MTFP1: variants seen among roughly 807,000 people sequenced by gnomAD.
MTFP1 encodes the protein mitochondrial fission process protein 1.
MTFP1 carries 19 observed loss-of-function variants against 17.1 expected under a neutral mutation model. That is an observed-to-expected ratio of 1.11 (90% confidence interval 0.77 to 1.63). The LOEUF is 1.63. MTFP1 is among the 40% of genes most tolerant of loss of function. The pLI, the probability that MTFP1 is intolerant of heterozygous loss-of-function variation, is 0.00. For missense variants in MTFP1, 221 were observed against 226.2 expected, an observed-to-expected ratio of 0.98 and a Z score of 0.15; for synonymous variants, 89 against 95.2, an observed-to-expected ratio of 0.93 and a Z score of 0.38.
In MTFP1 at chr22:30,428,701, T is replaced by G; in HGVS notation, c.*167T>G. The stretch of plus-strand genomic sequence containing the variant: ...GACAAAGGCTTCAAGAAGCAGTGGC[T>G]GCAGGGAGTCACAGAAGGGCAGGAC... On this transcript the variant is annotated 3_prime_UTR_variant, in exon 4 of 4. Transcript: ENST00000266263. 1 of 1,605,174 alleles carries G rather than the reference T, an allele frequency of 6.2e-7. No homozygotes were observed. Among genetic ancestry groups the G allele is most frequent in the South Asian group, 1.1e-5 (1 of 90,776 alleles).
At position 30,427,027 on chromosome 22, in the gene MTFP1, G is replaced by A. The variant is rs911531880; in HGVS notation, c.196-144G>A. On this transcript the variant is annotated intron_variant, in intron 2 of 3. Transcript: ENST00000266263. The stretch of plus-strand genomic sequence containing the variant: ...CCCTGCCCCCACACTCCCACTCCCC[G>A]AACTGGATGTGGCAGACTGTACCCC... 60 of 1,356,408 alleles carry A rather than the reference G, an allele frequency of 4.4e-5. 1 individual carries two copies. Among genetic ancestry groups the A allele is most frequent in the South Asian group, 1.7e-4 (14 of 84,498 alleles). The allele number at this position is 1,356,408 out of a possible 1,614,324, so 84.0% of individuals were successfully genotyped here.
Position 30,425,837 on chromosome 22 carries a change from A to T in MTFP1, c.-43A>T. On this transcript the variant is annotated 5_prime_UTR_variant, in exon 1 of 4. Coordinates refer to ENST00000266263, the MANE Select transcript of MTFP1 (RefSeq NM_016498.5). ...GTGCCGGCGGCGGAGACTGCAGTGG[A>T]GCCAGTACCGGCTGTAGTGGCCGGG... 2.0e-6 allele frequency: 3 copies of T among 1,517,002 alleles called. No individual in the cohort carries two copies. The highest frequency in any genetic ancestry group is 2.6e-6 in the Non-Finnish European group (3 of 1,133,968). The allele number at this position is 1,517,002 out of a possible 1,614,324, so 94.0% of individuals were successfully genotyped here. A position where few individuals can be genotyped will look rare whatever the true frequency, so the allele number is the denominator to read the frequency against.
At position 30,427,287 on chromosome 22, in the gene MTFP1, T is replaced by C; in HGVS notation, c.312T>C (p.Cys104=). The C allele has an allele frequency of 6.2e-7, 1 of 1,614,120 alleles. No individual in the cohort carries two copies. Among genetic ancestry groups the C allele is most frequent in the Non-Finnish European group, 8.5e-7 (1 of 1,180,046 alleles). The change falls in exon 3 of 4, where the codon TGT becomes TGC. Residue 104 remains cysteine, a synonymous_variant. Coordinates refer to ENST00000266263, the MANE Select transcript of MTFP1 (RefSeq NM_016498.5). ...CGGGCTTCACCATCAACCGCGTGTGTGCTGCCTCTCTCTATGTCCTGGGCA... is the reference window on the plus strand; with the variant it reads ...CGGGCTTCACCATCAACCGCGTGTGCGCTGCCTCTCTCTATGTCCTGGGCA... The part of the protein sequence containing the change: ...AIPGFTINRV[C]AASLYVLGTA...
chr22:30,427,044 C>A, intron 2 of MTFP1, 127 bp from the exon 3 acceptor site: 1 of 1,347,104 alleles, frequency 7.4e-7, no homozygotes, highest in Non-Finnish European at 1.1e-6. Context: ...ATGTGGCAGA[C>A]TGTACCCCAC....
chr22:30,425,872 GGA>G lies in MTFP1; in HGVS notation c.-4_-3del. Reference sequence around the variant, plus strand: ...GGCTGTAGTGGCCGGGGCCGTGGCGGGAGAGTCATGTCAGAGCCGCAGCCGCG... The same window carrying G: ...GGCTGTAGTGGCCGGGGCCGTGGCGGGAGTCATGTCAGAGCCGCAGCCGCG... On this transcript the variant is annotated 5_prime_UTR_variant, in exon 1 of 4. Transcript: ENST00000266263. The G allele has an allele frequency of 6.5e-7, 1 of 1,533,568 alleles. No homozygotes were observed. The highest frequency in any genetic ancestry group is 8.8e-7 in the Non-Finnish European group (1 of 1,140,880). The allele number at this position is 1,533,568 out of a possible 1,614,324, so 95.0% of individuals were successfully genotyped here.
chr22:30,428,488 G>A lies in MTFP1; in HGVS notation c.455G>A (p.Ser152Asn). 1 of 1,614,130 alleles carries A rather than the reference G, an allele frequency of 6.2e-7. No individual in the cohort carries two copies. Among genetic ancestry groups the A allele is most frequent in the Non-Finnish European group, 8.5e-7 (1 of 1,180,002 alleles). Residue 152 changes from serine to asparagine, a missense_variant, in exon 4 of 4, where the codon AGC becomes AAC. Physicochemically the swap from Ser to Asn is conservative, Grantham distance 46. Transcript: ENST00000266263. ...DRSVDFLLDS[S>N]LRKLYPTVGK... ...TCGGTGGATTTCCTCCTGGACTCCA[G>A]CCTGCGCAAGCTCTACCCAACAGTG...
chr22:30,427,095 G>A (rs775018191), intron 2 of MTFP1, 76 bp from the exon 3 acceptor site: 32 of 1,526,910 alleles, frequency 2.1e-5, no homozygotes, highest in African/African-American at 8.2e-5. Flanking sequence ...TGCCCCTCCC[G>A]GTCTAGCCTC....
At position 30,426,714 on chromosome 22, in the gene MTFP1, C is replaced by G; in HGVS notation, c.68-3C>G. On this transcript the variant is annotated splice_region_variant and splice_polypyrimidine_tract_variant and intron_variant, in intron 1 of 3. Transcript: ENST00000266263. ...CCTAGGAATTAAATGTTCCCTCCCC[C>G]AGGCTATGCCAATGAGGTGGGCGAG... The G allele has an allele frequency of 6.2e-7, 1 of 1,614,006 alleles. No individual in the cohort carries two copies. The highest frequency in any genetic ancestry group is 8.5e-7 in the Non-Finnish European group (1 of 1,179,974).
intron 2 of MTFP1, 128 bp downstream of exon 2, chr22:30,426,972 ATAG>A: frequency 6.7e-7 from 1 of 1,489,008 alleles, no homozygotes; most frequent in East Asian, 2.3e-5. Context: ...AGTGCAGTCC[ATAG>A]ACAGTCCTGT....
chr22:30,425,771 CG>C lies in MTFP1; in HGVS notation c.-107del. Reference sequence around the variant, plus strand: ...GGCGGAGATTTCCTGACCTGTCCTTCGGCGCGGGACTTTCGGCGGGTCCCGG... The same window carrying C: ...GGCGGAGATTTCCTGACCTGTCCTTCGCGCGGGACTTTCGGCGGGTCCCGG... On this transcript the variant is annotated 5_prime_UTR_variant, in exon 1 of 4. Transcript: ENST00000266263. 8.5e-7 allele frequency: 1 copy of C among 1,178,280 alleles called. No homozygotes were observed. The highest frequency in any genetic ancestry group is 1.1e-6 in the Non-Finnish European group (1 of 870,804). 73.0% of individuals were successfully genotyped at this position (1,178,280 alleles called of 1,614,324 possible).
Position 30,425,891 on chromosome 22 carries a change from G to A in MTFP1, c.12G>A (p.Pro4=). 2.0e-6 allele frequency: 3 copies of A among 1,533,030 alleles called. No homozygotes were observed. The highest frequency in any genetic ancestry group is 2.6e-5 in the East Asian group (1 of 38,976). 95.0% of individuals were successfully genotyped at this position (1,533,030 alleles called of 1,614,324 possible). Residue 4 remains proline (P), a synonymous_variant, in exon 1 of 4, where the codon CCG becomes CCA. Transcript: ENST00000266263. MSE[P]QPRGAERDLY... The stretch of plus-strand genomic sequence containing the variant: ...GTGGCGGGAGAGTCATGTCAGAGCC[G>A]CAGCCGCGGGGCGCAGAGCGCGATC...
In MTFP1 at chr22:30,428,837, G is replaced by C. The variant is rs889158160; in HGVS notation, c.*303G>C. ...TTACATCCTCCCATGGAGGATGAGA[G>C]ACTGAGGCTCAGGGAGGGCAAGGAA... On this transcript the variant is annotated 3_prime_UTR_variant, in exon 4 of 4. Coordinates refer to ENST00000266263, the MANE Select transcript of MTFP1 (RefSeq NM_016498.5). 14 of 663,676 alleles carry C rather than the reference G, an allele frequency of 2.1e-5. No individual in the cohort carries two copies. The highest frequency in any genetic ancestry group is 3.6e-5 in the Non-Finnish European group (14 of 390,314). 41.1% of individuals were successfully genotyped at this position (663,676 alleles called of 1,614,324 possible). A position where few individuals can be genotyped will look rare whatever the true frequency, so the allele number is the denominator to read the frequency against.
At chr22:30,427,454 G>A (rs766564148) in intron 3 of MTFP1, 51 bp downstream of exon 3, 13 of 1,542,028 alleles carry the variant, frequency 8.4e-6, no homozygotes, top group Non-Finnish European at 1.2e-5. Context: ...TGATGAGAGT[G>A]GATCATCCAG....
Position 30,427,363 on chromosome 22 carries a change from G to C in MTFP1, c.388G>C (p.Gly130Arg). 1 of 1,614,162 alleles carries C rather than the reference G, an allele frequency of 6.2e-7. No homozygotes were observed. Among genetic ancestry groups the C allele is most frequent in the Non-Finnish European group, 8.5e-7 (1 of 1,180,036 alleles). The change falls in exon 3 of 4, where the codon GGG becomes CGG. Residue 130 changes from glycine (G) to arginine (R), a missense_variant. By Grantham distance (125) the Gly-to-Arg change is moderately radical. Transcript: ENST00000266263. ...AVRKWTTTALGLLTIPIIIHP... is the reference protein window; with the variant it reads ...AVRKWTTTALRLLTIPIIIHP... The stretch of plus-strand genomic sequence containing the variant: ...CCGCAAGTGGACCACCACCGCGCTT[G>C]GGCTGTTGACCATCCCCATCATTAT...
At position 30,428,648 on chromosome 22, in the gene MTFP1, G is replaced by T. The variant is rs549308032; in HGVS notation, c.*114G>T. On this transcript the variant is annotated 3_prime_UTR_variant, in exon 4 of 4. Coordinates refer to ENST00000266263, the MANE Select transcript of MTFP1 (RefSeq NM_016498.5). ...GGTGTCCAAAGACCCTGGCACCTGG[G>T]TGGGTTTGAGCTGGACAGAAGCTTA... 1 of 1,614,058 alleles carries T rather than the reference G, an allele frequency of 6.2e-7. No homozygotes were observed. Among genetic ancestry groups the T allele is most frequent in the African/African-American group, 1.3e-5 (1 of 74,916 alleles).
chr22:30,426,926 T>G, intron 2 of MTFP1, 82 bp downstream of exon 2: 1 of 1,586,566 alleles, frequency 6.3e-7, no homozygotes, highest in Non-Finnish European at 8.6e-7. Context: ...TGTGATAAAG[T>G]CCCTGTGGGA....
At chr22:30,428,029 A>G (rs1309094344) in intron 3 of MTFP1, among the ~76,000 whole-genome samples, 5 of 152,162 alleles carry the variant, frequency 3.3e-5, no homozygotes, top group African/African-American at 1.2e-4. Flanking sequence ...AATCCCAAGG[A>G]AGGGTGTCAT....
At chr22:30,426,991 G>C (rs1934682648) in intron 2 of MTFP1, 147 bp downstream of exon 2, 1 of 1,428,980 alleles carries the variant, frequency 7.0e-7, no homozygotes, top group African/African-American at 1.4e-5. Flanking sequence ...CCTGTTTGTA[G>C]GACAGTGTAC....
rs1013858486 is a variant in MTFP1 at position 30,425,962 on chromosome 22, C to T, written c.67+16C>T. 3.3e-6 allele frequency: 5 copies of T among 1,497,074 alleles called. 1 individual carries two copies. The highest frequency in any genetic ancestry group is 2.6e-5 in the East Asian group (1 of 37,876). The allele number at this position is 1,497,074 out of a possible 1,614,324, so 92.7% of individuals were successfully genotyped here. A position where few individuals can be genotyped will look rare whatever the true frequency, so the allele number is the denominator to read the frequency against. On this transcript the variant is annotated intron_variant, in intron 1 of 3. Coordinates refer to ENST00000266263, the MANE Select transcript of MTFP1 (RefSeq NM_016498.5). ...CGATACCTGGGTGAGCGCGGGGCGACGGGCGCGGCGACCCCACCACCACTG... is the reference window on the plus strand; with the variant it reads ...CGATACCTGGGTGAGCGCGGGGCGATGGGCGCGGCGACCCCACCACCACTG...
Sources: allele counts gnomAD v4.1 joint callset (sites outside exome capture counted in the v4.1 genomes callset), GRCh38; gene constraint gnomAD v4.1.1; transcripts MANE v1.5; gene names NCBI Gene and HGNC (gene_info 2026-07-23, HGNC 2026-07-21).